Variants in ITSN1 observed in about 807,000 individuals in gnomAD.
ITSN1 encodes the protein intersectin 1.
A neutral mutation model predicts 239.8 loss-of-function variants in ITSN1; 58 were observed. The observed-to-expected ratio is 0.24, with a 90% CI of 0.20 to 0.30. The LOEUF is 0.30. Among genes scored for constraint, ITSN1 ranks in the 10% least tolerant of loss-of-function variants. The pLI is 1.00. For missense variants in ITSN1, 1,558 were observed against 2,103.3 expected (o/e 0.74, Z 5.07); for synonymous variants, 780 against 770.8 (o/e 1.01, Z -0.20).
At chr21:33,827,218 G>A (rs1193461806) in intron 26 of ITSN1, among the ~76,000 whole-genome samples, 2 of 152,002 alleles carry the variant, frequency 1.3e-5, no homozygotes, top group African/African-American at 2.4e-5. Context: ...TGGCCAACAG[G>A]GGAATCCCGG....
intron 24 of ITSN1, 138 bp downstream of exon 24, chr21:33,819,461 C>A: frequency 1.8e-6 from 1 of 542,852 alleles, no homozygotes; most frequent in Non-Finnish European, 3.2e-6. Context: ...GTAAGTTTAG[C>A]TCTTTACAGA....
Position 33,834,559 on chromosome 21 carries a change from C to T in ITSN1, c.3469+135C>T. On this transcript the variant is annotated intron_variant, in intron 28 of 39. Transcript: ENST00000381318. ...CACTTCCTGTACTTGCTGGGACTGA[C>T]ACCCAACTAATGTGATATGGAATAT... The T allele has an allele frequency of 7.4e-6, 5 of 673,650 alleles. No individual in the cohort carries two copies. In the South Asian group the frequency reaches 8.9e-5, roughly 12 times the overall value. The allele number at this position is 673,650 out of a possible 1,614,324, so 41.7% of individuals were successfully genotyped here.
chr21:33,757,266 GT>G (rs2067992479), intron 8 of ITSN1, among the ~76,000 whole-genome samples: 3 of 152,118 alleles, frequency 2.0e-5, no homozygotes, highest in African/African-American at 7.2e-5. Flanking sequence ...TTGGTGGGAT[GT>G]GTGTTTTATG....
intron 20 of ITSN1, among the ~76,000 whole-genome samples, chr21:33,805,988 G>A (rs1315111752): frequency 1.4e-5 from 2 of 144,918 alleles, no homozygotes; most frequent in Non-Finnish European, 1.5e-5. Flanking sequence ...CGGATCACAA[G>A]GTCAGGAGAT....
intron 33 of ITSN1, among the ~76,000 whole-genome samples, chr21:33,870,739 A>G (rs1285087875): frequency 6.6e-6 from 1 of 152,232 alleles, no homozygotes; most frequent in Non-Finnish European, 1.5e-5. Context: ...TAGCCTGGCC[A>G]ACAGGGTGAG....
intron 29 of ITSN1, among the ~76,000 whole-genome samples, chr21:33,843,145 A>G (rs1243055346): frequency 6.6e-6 from 1 of 152,198 alleles, no homozygotes; most frequent in Non-Finnish European, 1.5e-5. Flanking sequence ...CGGGAAACAC[A>G]GTGATGTTCT....
intron 12 of ITSN1, among the ~76,000 whole-genome samples, chr21:33,774,014 A>G (rs967573009): frequency 4.6e-5 from 7 of 152,194 alleles, no homozygotes; most frequent in Non-Finnish European, 1.0e-4. Context: ...GACACTAACA[A>G]AATTTTAATT....
chr21:33,748,439 C>A (rs1486941447), intron 5 of ITSN1, among the ~76,000 whole-genome samples: 1 of 151,668 alleles, frequency 6.6e-6, no homozygotes, highest in Non-Finnish European at 1.5e-5. Flanking sequence ...AGAGTGAGAC[C>A]TTATCTCTAA....
At chr21:33,716,177 G>T (rs1006062768) in intron 1 of ITSN1, among the ~76,000 whole-genome samples, 1 of 152,098 alleles carries the variant, frequency 6.6e-6, no homozygotes, top group African/African-American at 2.4e-5. Context: ...CCAAAAGGCT[G>T]AAGTCAGTTT....
intron 33 of ITSN1, among the ~76,000 whole-genome samples, chr21:33,869,961 T>G (rs758868906): frequency 1.3e-5 from 2 of 152,208 alleles, no homozygotes; most frequent in Non-Finnish European, 2.9e-5. Context: ...CCTATTCTAA[T>G]CCAATACTGC....
intron 4 of ITSN1, among the ~76,000 whole-genome samples, chr21:33,734,611 C>G (rs557211166): frequency 1.3e-5 from 2 of 152,122 alleles, no homozygotes. Flanking sequence ...ATTAACATTC[C>G]GCTTCTAAAT....
At chr21:33,696,718 C>T (rs1287877733) in intron 1 of ITSN1, among the ~76,000 whole-genome samples, 2 of 152,142 alleles carry the variant, frequency 1.3e-5, no homozygotes, top group African/African-American at 4.8e-5. Context: ...TACTTTCTTG[C>T]CCTTTTCGGT....
At chr21:33,839,863 T>C (rs900428025) in intron 29 of ITSN1, among the ~76,000 whole-genome samples, 4 of 152,198 alleles carry the variant, frequency 2.6e-5, no homozygotes, top group African/African-American at 9.6e-5. Context: ...GGAGTGCTGC[T>C]GGTGTCTCAT....
Position 33,713,690 on chromosome 21 carries a change from T to C in ITSN1, c.-32-5107T>C, listed in dbSNP as rs115189785. 7.5e-3 allele frequency among the ~76,000 whole-genome samples: 1,146 copies of C among 152,210 alleles called. 10 individuals carry two copies. Among genetic ancestry groups the C allele is most frequent in the African/African-American group, 0.026 (1,085 of 41,508 alleles). Reference sequence around the variant, plus strand: ...GTAGCATAGAACACAAAAGGAGATGTGATTGAAAGATGTTGCTTCATCTAC... The same window carrying C: ...GTAGCATAGAACACAAAAGGAGATGCGATTGAAAGATGTTGCTTCATCTAC... On this transcript the variant is annotated intron_variant, in intron 1 of 39. Coordinates refer to ENST00000381318, the MANE Select transcript of ITSN1 (RefSeq NM_003024.3).
At chr21:33,645,013 G>T (rs867276309) in intron 1 of ITSN1, among the ~76,000 whole-genome samples, 15 of 151,732 alleles carry the variant, frequency 9.9e-5, no homozygotes, top group Admixed American at 3.9e-4. Flanking sequence ...CTAGAGACAG[G>T]GTCTCTCTGT....
intron 1 of ITSN1, among the ~76,000 whole-genome samples, chr21:33,685,308 A>C (rs2091184627): frequency 6.6e-6 from 1 of 152,194 alleles, no homozygotes; most frequent in African/African-American, 2.4e-5. Flanking sequence ...TGTCTTTTAA[A>C]TAGGGACGTA....
chr21:33,862,164 C>CAAAAAAAAAAAAAAAAAAAAAAA (rs59129090), intron 31 of ITSN1, among the ~76,000 whole-genome samples: 1 of 79,818 alleles, frequency 1.3e-5, no homozygotes, highest in African/African-American at 5.4e-5. Context: ...GACTGTGTCA[C>CAAAAAAAAAAAAAAAAAAAAAAA]AAAAAAAAAA....
intron 1 of ITSN1, among the ~76,000 whole-genome samples, chr21:33,653,210 A>C (rs1247749964): frequency 6.6e-6 from 1 of 151,906 alleles, no homozygotes; most frequent in Admixed American, 6.6e-5. Context: ...GGCCAGGCTG[A>C]TCTCGAACTC....
intron 26 of ITSN1, among the ~76,000 whole-genome samples, chr21:33,828,379 T>C (rs979976733): frequency 2.0e-5 from 3 of 152,238 alleles, no homozygotes; most frequent in Non-Finnish European, 4.4e-5. Context: ...CAGTAGACCA[T>C]GCTGTGGCCT....
Sources: gnomAD v4.1 joint callset for allele counts (sites outside exome capture counted in the v4.1 genomes callset) on GRCh38, gnomAD v4.1.1 for gene constraint, MANE v1.5 for transcripts, NCBI Gene and HGNC (gene_info 2026-07-23, HGNC 2026-07-21) for gene names.